Variants in TRABD2A observed in about 807,000 individuals in gnomAD.
TRABD2A encodes the protein metalloprotease TIKI1.
In TRABD2A, 43 loss-of-function variants were observed where a neutral mutation model predicts 45.6. That is an observed-to-expected ratio of 0.94 (90% CI 0.74 to 1.22). The LOEUF is 1.22. Ranked by LOEUF, TRABD2A falls within the 50% of genes most tolerant of loss-of-function variation. The pLI is 0.00. For synonymous variants in TRABD2A, 269 were observed against 265.0 expected, an observed-to-expected ratio of 1.02 and a Z score of -0.15; for missense variants, 642 against 652.4, an observed-to-expected ratio of 0.98 and a Z score of 0.17.
Position 84,870,233 on chromosome 2 carries a change from A to G in TRABD2A, c.661T>C (p.Phe221Leu). The G allele has an allele frequency of 3.0e-5, 49 of 1,607,004 alleles. No individual in the cohort carries two copies. Among genetic ancestry groups the G allele is most frequent in the Non-Finnish European group, 4.2e-5 (49 of 1,174,902 alleles). ...TGCAAAGAGAGTCTTACCTGTGAAA[A>G]GTTCAACCCATTCAATGGATGGCAC... ...EQCHPLNGLN[F>L]SQVIFALNQT... Residue 221 changes from phenylalanine (F) to leucine (L), a missense_variant, in exon 2 of 7, where the codon TTT becomes CTT. Phe to Leu is a conservative substitution (Grantham distance 22). Coordinates refer to ENST00000409520, the MANE Select transcript of TRABD2A (RefSeq NM_001277053.2).
chr2:84,854,467 C>A (rs892582514), intron 2 of TRABD2A, among the ~76,000 whole-genome samples: 4 of 152,174 alleles, frequency 2.6e-5, no homozygotes, highest in Non-Finnish European at 5.9e-5. Context: ...TCATCATACC[C>A]CTTTTAGAAA....
At chr2:84,824,517 A>G (rs1402400277) in intron 5 of TRABD2A, among the ~76,000 whole-genome samples, 1 of 149,228 alleles carries the variant, frequency 6.7e-6, no homozygotes, top group Non-Finnish European at 1.5e-5. Context: ...ACAGGTCAGC[A>G]CTGTCTAGAA....
chr2:84,831,432 C>G (rs1681335002), intron 5 of TRABD2A, among the ~76,000 whole-genome samples: 1 of 151,958 alleles, frequency 6.6e-6, no homozygotes, highest in African/African-American at 2.4e-5. Flanking sequence ...GGATGGACGA[C>G]CAGTTGGGAG....
intron 2 of TRABD2A, among the ~76,000 whole-genome samples, chr2:84,862,864 C>G (rs1462418626): frequency 6.7e-6 from 1 of 149,310 alleles, no homozygotes; most frequent in African/African-American, 2.6e-5. Flanking sequence ...AGCTTCACAG[C>G]CAGCCATTCA....
intron 2 of TRABD2A, among the ~76,000 whole-genome samples, chr2:84,861,416 G>A (rs1682493934): frequency 6.6e-6 from 1 of 152,040 alleles, no homozygotes. Context: ...TTTTCATAAG[G>A]AGCACACAAC....
intron 5 of TRABD2A, 99 bp downstream of exon 5, chr2:84,831,956 G>T: frequency 8.5e-7 from 1 of 1,179,564 alleles, no homozygotes; most frequent in East Asian, 2.4e-5. Flanking sequence ...CGAGGCAGGG[G>T]TTCTCTGGAG....
chr2:84,870,078 CT>C (rs35902901), intron 2 of TRABD2A, 146 bp downstream of exon 2: 28,657 of 802,150 alleles, frequency 0.036, 525 homozygotes, highest in South Asian at 0.057. Flanking sequence ...GACCACTTGG[CT>C]TTTTTTTTAA....
At chr2:84,831,756 A>T (rs920045564) in intron 5 of TRABD2A, among the ~76,000 whole-genome samples, 5 of 151,904 alleles carry the variant, frequency 3.3e-5, no homozygotes, top group African/African-American at 1.2e-4. Flanking sequence ...CCTTTCCCCT[A>T]CCCCTCAACC....
At chr2:84,823,931 C>T in intron 6 of TRABD2A, 22 bp downstream of exon 6, 2 of 1,611,878 alleles carry the variant, frequency 1.2e-6, no homozygotes, top group Middle Eastern at 2.0e-4. Flanking sequence ...GATGCCAACC[C>T]GACCCAGCCT....
Position 84,881,023 on chromosome 2 carries a change from C to T in TRABD2A, c.17G>A (p.Trp6Ter). 1 of 1,604,720 alleles carries T rather than the reference C, an allele frequency of 6.2e-7. No homozygotes were observed. Among genetic ancestry groups the T allele is most frequent in the Non-Finnish European group, 8.5e-7 (1 of 1,176,512 alleles). MSPWS[W>*]FLLQTLCLLP... ...GAGGCAGAGGGTCTGCAGCAGGAAC[C>T]AGCTCCAGGGACTCATCCTCCTCAA... is the stretch of plus-strand genomic sequence containing the variant. The change falls in exon 1 of 7, where the codon TGG becomes TAG. Residue 6 changes from tryptophan to a stop codon, truncating the protein, a stop_gained. Transcript: ENST00000409520. LOFTEE classifies it high-confidence loss of function.
In TRABD2A at chr2:84,870,607, A is replaced by G. The variant is rs768969052; in HGVS notation, c.287T>C (p.Ile96Thr). 6.2e-7 allele frequency: 1 copy of G among 1,613,538 alleles called. No individual in the cohort carries two copies. The highest frequency in any genetic ancestry group is 8.5e-7 in the Non-Finnish European group (1 of 1,179,712). Reference sequence around the variant, plus strand: ...CATCTGACAGCTGGTGAGAGCTGAGATGGTATAGGGGTCTGTGAGATCCAA... The same window carrying G: ...CATCTGACAGCTGGTGAGAGCTGAGGTGGTATAGGGGTCTGTGAGATCCAA... ...FELDLTDPYTISALTSCQMLP... is the reference protein window; with the variant it reads ...FELDLTDPYTTSALTSCQMLP... The change falls in exon 2 of 7, where the codon ATC becomes ACC. Residue 96 changes from isoleucine (I) to threonine (T), a missense_variant. Ile to Thr is a moderately conservative substitution (Grantham distance 89). Coordinates refer to ENST00000409520, the MANE Select transcript of TRABD2A (RefSeq NM_001277053.2).
chr2:84,865,321 A>C (rs1236124455), intron 2 of TRABD2A, among the ~76,000 whole-genome samples: 1 of 152,256 alleles, frequency 6.6e-6, no homozygotes. Context: ...ACAGCCAAAA[A>C]GGCAAATATG....
chr2:84,848,457 C>G (rs993493262), intron 2 of TRABD2A, among the ~76,000 whole-genome samples: 1 of 150,706 alleles, frequency 6.6e-6, no homozygotes, highest in African/African-American at 2.4e-5. Context: ...GCCAATAAAA[C>G]TCAAACAAAG....
At chr2:84,878,119 G>A (rs997409458) in intron 1 of TRABD2A, among the ~76,000 whole-genome samples, 1 of 152,214 alleles carries the variant, frequency 6.6e-6, no homozygotes, top group Non-Finnish European at 1.5e-5. Flanking sequence ...CTTTACGAGA[G>A]TAATCAGGAA....
At chr2:84,879,638 C>T (rs1296612654) in intron 1 of TRABD2A, 1 of 984,356 alleles carries the variant, frequency 1.0e-6, no homozygotes, top group Non-Finnish European at 1.2e-6. Context: ...AAGTGAAAGG[C>T]AATGTGCTTT....
In TRABD2A at chr2:84,832,125, T is replaced by G. The variant is rs1300940688; in HGVS notation, c.1012A>C (p.Thr338Pro). Residue 338 changes from threonine (T) to proline (P), a missense_variant, in exon 5 of 7, where the codon ACA (threonine) becomes CCA (proline). Transcript: ENST00000409520. ...TCACGCCGCAAAACATCCAGCACTG[T>G]GTTGTTGCCCATGAAATGACCTGCA... ...FGAGHFMGNN[T>P]VLDVLRREGY... 1 of 1,614,014 alleles carries G rather than the reference T, an allele frequency of 6.2e-7. No individual in the cohort carries two copies. Among genetic ancestry groups the G allele is most frequent in the Non-Finnish European group, 8.5e-7 (1 of 1,179,886 alleles).
chr2:84,866,720 G>A (rs1005675874), intron 2 of TRABD2A, among the ~76,000 whole-genome samples: 3 of 150,300 alleles, frequency 2.0e-5, no homozygotes, highest in Admixed American at 6.6e-5. Context: ...CAGGATGGTA[G>A]GGCAAGTATT....
intron 2 of TRABD2A, among the ~76,000 whole-genome samples, chr2:84,848,318 C>T (rs1681965929): frequency 7.1e-6 from 1 of 141,036 alleles, no homozygotes; most frequent in African/African-American, 2.6e-5. Flanking sequence ...ATGCTGTCTG[C>T]ACATAAAAAT....
At chr2:84,872,430 G>A (rs1268559290) in intron 1 of TRABD2A, among the ~76,000 whole-genome samples, 1 of 151,974 alleles carries the variant, frequency 6.6e-6, no homozygotes, top group Non-Finnish European at 1.5e-5. Context: ...GATTGCTTGA[G>A]CCCATCAGGT....
Sources: allele counts gnomAD v4.1 joint callset (sites outside exome capture counted in the v4.1 genomes callset), GRCh38; gene constraint gnomAD v4.1.1; transcripts MANE v1.5; gene names NCBI Gene and HGNC (gene_info 2026-07-23, HGNC 2026-07-21).